Variants in MAML2 observed in about 807,000 individuals in gnomAD.
MAML2 encodes the protein mastermind like transcriptional coactivator 2, also known as mastermind-like protein 2.
A neutral mutation model predicts 96.1 loss-of-function variants in MAML2; 22 were observed. The ratio of observed to expected loss-of-function variants is 0.23; its 90% CI spans 0.16 to 0.33. MAML2 has a LOEUF of 0.33. Among genes scored for constraint, MAML2 ranks in the 10% least tolerant of loss-of-function variants. MAML2 has a pLI of 1.00. For missense variants in MAML2, 1,367 were observed against 1,392.4 expected, an observed-to-expected ratio of 0.98 and a Z score of 0.29; for synonymous variants, 561 against 521.3, an observed-to-expected ratio of 1.08 and a Z score of -1.04.
Position 96,045,539 on chromosome 11 carries a change from T to C in MAML2, c.2139+46353A>G, listed in dbSNP as rs147318755. ...CTTTACCCCTTCAATAGTCCTTTCT[T>C]GCCATTCAAAACCAGTTTCAACAAA... On this transcript the variant is annotated intron_variant, in intron 2 of 4. Transcript: ENST00000524717. Among the ~76,000 whole-genome samples the C allele has an allele frequency of 9.6e-3, 1,469 of 152,292 alleles. 29 individuals carry two copies. The highest frequency in any genetic ancestry group is 0.033 in the African/African-American group (1,372 of 41,550).
chr11:96,239,677 A>G (rs1205559607), intron 1 of MAML2, among the ~76,000 whole-genome samples: 1 of 152,218 alleles, frequency 6.6e-6, no homozygotes, highest in Non-Finnish European at 1.5e-5. Context: ...GTCCACTTGG[A>G]GTTTCCATTT....
At chr11:96,001,436 T>C (rs375086276) in intron 2 of MAML2, among the ~76,000 whole-genome samples, 2 of 152,212 alleles carry the variant, frequency 1.3e-5, no homozygotes, top group South Asian at 4.1e-4. Context: ...GCTTTTAGCT[T>C]TCTGCCTCTA....
chr11:96,229,585 T>A (rs1280767764), intron 1 of MAML2, among the ~76,000 whole-genome samples: 1 of 148,530 alleles, frequency 6.7e-6, no homozygotes, highest in Non-Finnish European at 1.5e-5. Flanking sequence ...TATAATCACA[T>A]GATCTCCCCA....
chr11:96,314,914 G>T (rs1478270654), intron 1 of MAML2, among the ~76,000 whole-genome samples: 1 of 152,228 alleles, frequency 6.6e-6, no homozygotes, highest in African/African-American at 2.4e-5. Flanking sequence ...CGGGAAGCTG[G>T]TGTTGCAGCC....
chr11:96,086,867 TC>T (rs1465874924), intron 2 of MAML2, among the ~76,000 whole-genome samples: 3 of 152,250 alleles, frequency 2.0e-5, no homozygotes, highest in Non-Finnish European at 4.4e-5. Context: ...TAAAGATCCC[TC>T]CCTACATTCG....
intron 2 of MAML2, among the ~76,000 whole-genome samples, chr11:96,020,303 A>G (rs1243535565): frequency 6.6e-6 from 1 of 152,220 alleles, no homozygotes; most frequent in African/African-American, 2.4e-5. Context: ...TCTTCTGCCC[A>G]GGACTCTATA....
chr11:96,271,466 C>A (rs139801722), intron 1 of MAML2, among the ~76,000 whole-genome samples: 1 of 152,094 alleles, frequency 6.6e-6, no homozygotes, highest in Non-Finnish European at 1.5e-5. Flanking sequence ...AATTGTAGTT[C>A]CCATAATCCT....
intron 2 of MAML2, among the ~76,000 whole-genome samples, chr11:96,054,919 C>T (rs1033399277): frequency 2.6e-5 from 4 of 152,154 alleles, no homozygotes; most frequent in Non-Finnish European, 5.9e-5. Flanking sequence ...AGGGAGATTT[C>T]ACTCTACCTG....
chr11:96,331,750 G>A (rs1271719623), intron 1 of MAML2, among the ~76,000 whole-genome samples: 3 of 151,514 alleles, frequency 2.0e-5, no homozygotes, highest in Non-Finnish European at 4.4e-5. Flanking sequence ...CCCAGGAGGC[G>A]GCGGTTGCAG....
chr11:96,315,617 T>A (rs1863620370), intron 1 of MAML2, among the ~76,000 whole-genome samples: 1 of 152,170 alleles, frequency 6.6e-6, no homozygotes, highest in Non-Finnish European at 1.5e-5. Flanking sequence ...ATGGTCTTGG[T>A]TTATCTTCAT....
At chr11:96,244,424 C>T (rs1591092584) in intron 1 of MAML2, among the ~76,000 whole-genome samples, 1 of 152,190 alleles carries the variant, frequency 6.6e-6, no homozygotes, top group Non-Finnish European at 1.5e-5. Context: ...AGAGCTTAAA[C>T]TCTAATGATT....
intron 2 of MAML2, among the ~76,000 whole-genome samples, chr11:96,042,332 G>A (rs545896373): frequency 1.3e-5 from 2 of 152,110 alleles, no homozygotes; most frequent in South Asian, 4.2e-4. Flanking sequence ...ATGTTGGTGA[G>A]GCTGGTCTCG....
intron 2 of MAML2, among the ~76,000 whole-genome samples, chr11:96,039,232 G>A (rs1002195378): frequency 3.3e-5 from 5 of 151,698 alleles, no homozygotes; most frequent in African/African-American, 9.7e-5. Flanking sequence ...TCCAGCCTCA[G>A]TGACAGAGCA....
rs539289961 is a variant in MAML2 at position 96,011,614 on chromosome 11, G to T, written c.2140-19891C>A. ...CTGGGGCAGACAAAGTACCCATTGG[G>T]TACTATGTTCACTATTTGGGTGACG... On this transcript the variant is annotated intron_variant, in intron 2 of 4. Coordinates refer to ENST00000524717, the MANE Select transcript of MAML2 (RefSeq NM_032427.4). Among the ~76,000 whole-genome samples the T allele has an allele frequency of 2.1e-4, 32 of 152,192 alleles. 1 individual carries two copies. The South Asian group carries it at 5.8e-3, about 28-fold the overall frequency.
intron 1 of MAML2, 54 bp downstream of exon 1, chr11:96,341,329 C>G: frequency 1.4e-6 from 2 of 1,470,188 alleles, no homozygotes. Context: ...AAACTCTACC[C>G]TCACAAAAGG....
intron 2 of MAML2, among the ~76,000 whole-genome samples, chr11:96,012,040 C>T (rs981657077): frequency 4.1e-4 from 63 of 152,246 alleles, no homozygotes; most frequent in African/African-American, 1.4e-3. Flanking sequence ...TAGAATCAAA[C>T]TTTTAAAACA....
At chr11:96,075,645 A>T (rs1158614564) in intron 2 of MAML2, among the ~76,000 whole-genome samples, 5 of 152,202 alleles carry the variant, frequency 3.3e-5, no homozygotes, top group Non-Finnish European at 7.3e-5. Flanking sequence ...AGAAGAGAAG[A>T]GCTGAGCTAG....
chr11:96,092,212 GC>G lies in MAML2; in HGVS notation c.1818del (p.Gln606HisfsTer75), dbSNP rs749469294. 50 of 23,688 alleles carry G rather than the reference GC, an allele frequency of 2.1e-3. No homozygotes were observed. In the East Asian group the frequency reaches 0.39, roughly 185 times the overall value. 1.5% of individuals were successfully genotyped at this position (23,688 alleles called of 1,614,324 possible). ...QQQQQQQQQQ[Q>X]QQQQQQQQQQ... ...TGCTGTTGCTGCTGCTGCTGCTGTT[GC>G]TGCTGCTGCTGCTGCTGCTGCTGCT... On this transcript the variant is annotated frameshift_variant, in exon 2 of 5. Coordinates refer to ENST00000524717, the MANE Select transcript of MAML2 (RefSeq NM_032427.4). LOFTEE classifies it high-confidence loss of function. The surrounding 1 kb of genome is among the most constrained non-coding windows in gnomAD (Gnocchi z 4.1).
intron 2 of MAML2, among the ~76,000 whole-genome samples, chr11:96,034,906 A>G (rs1164407896): frequency 3.9e-5 from 6 of 152,170 alleles, no homozygotes; most frequent in Non-Finnish European, 7.3e-5. Context: ...ATGGTTTTCA[A>G]TATATGCCCT....
Sources: allele counts gnomAD v4.1 joint callset (sites outside exome capture counted in the v4.1 genomes callset), GRCh38; gene constraint gnomAD v4.1.1; non-coding constraint Gnocchi (gnomAD v3.1); transcripts MANE v1.5; gene names NCBI Gene and HGNC (gene_info 2026-07-23, HGNC 2026-07-21).